The following ROBO2 variants were observed in gnomAD, a reference collection of about 807,000 sequenced individuals.
ROBO2 encodes the protein roundabout homolog 2.
ROBO2 carries 53 observed loss-of-function variants against 160.8 expected under a neutral mutation model. That is an observed-to-expected ratio of 0.33 (90% confidence interval 0.26 to 0.41). The LOEUF is 0.41. Ranked by LOEUF, ROBO2 falls within the 10% of genes least tolerant of loss-of-function variation. The pLI is 1.00. For synonymous variants in ROBO2, 664 were observed against 611.7 expected (o/e 1.09, Z -1.26); for missense variants, 1,577 against 1,722.4 (o/e 0.92, Z 1.49).
At chr3:76,106,621 A>T (rs2069946412) in intron 2 of ROBO2, among the ~76,000 whole-genome samples, 1 of 152,112 alleles carries the variant, frequency 6.6e-6, no homozygotes, top group Non-Finnish European at 1.5e-5. Flanking sequence ...TAATACTTTA[A>T]ACTTGAAAAC....
At chr3:75,971,696 G>A (rs887024886) in intron 2 of ROBO2, among the ~76,000 whole-genome samples, 1 of 151,190 alleles carries the variant, frequency 6.6e-6, no homozygotes, top group African/African-American at 2.4e-5. Context: ...TTCAAGTTTG[G>A]AAAACTTCAG....
intron 2 of ROBO2, among the ~76,000 whole-genome samples, chr3:76,474,281 A>G (rs1331587779): frequency 6.6e-6 from 1 of 152,154 alleles, no homozygotes; most frequent in Non-Finnish European, 1.5e-5. Context: ...TAAATATTGT[A>G]ACTATAGAGT....
At chr3:77,493,170 C>CT in intron 4 of ROBO2, 74 bp from the exon 5 acceptor site, 8 of 1,538,206 alleles carry the variant, frequency 5.2e-6, no homozygotes, top group Non-Finnish European at 7.2e-6. Flanking sequence ...GTTTCCTTTG[C>CT]TTTTTTCATA....
At chr3:76,300,571 GATTA>G (rs1709303386) in intron 2 of ROBO2, among the ~76,000 whole-genome samples, 2 of 151,754 alleles carry the variant, frequency 1.3e-5, no homozygotes, top group African/African-American at 4.8e-5. Flanking sequence ...CATTAAGGGT[GATTA>G]ATTAACAAAT....
At chr3:76,352,441 T>A (rs1247457634) in intron 2 of ROBO2, among the ~76,000 whole-genome samples, 1 of 152,040 alleles carries the variant, frequency 6.6e-6, no homozygotes, top group Non-Finnish European at 1.5e-5. Flanking sequence ...TCAGATTAGA[T>A]CAAAATTTTG....
At chr3:77,119,898 A>G (rs2074578504) in intron 2 of ROBO2, among the ~76,000 whole-genome samples, 1 of 152,254 alleles carries the variant, frequency 6.6e-6, no homozygotes, top group Non-Finnish European at 1.5e-5. Flanking sequence ...AATGTAATTC[A>G]GAAAGACACT....
At chr3:77,292,938 G>A (rs528569907) in intron 2 of ROBO2, among the ~76,000 whole-genome samples, 6 of 151,294 alleles carry the variant, frequency 4.0e-5, no homozygotes, top group South Asian at 4.2e-4. Context: ...TAAAATTGAC[G>A]ATTAAACGGT....
chr3:76,940,357 A>G (rs2078097354), intron 2 of ROBO2, among the ~76,000 whole-genome samples: 2 of 152,168 alleles, frequency 1.3e-5, no homozygotes, highest in African/African-American at 4.8e-5. Flanking sequence ...ACAATGTAGG[A>G]TTGAATGGAT....
At chr3:76,344,870 G>C (rs975904681) in intron 2 of ROBO2, among the ~76,000 whole-genome samples, 3 of 151,968 alleles carry the variant, frequency 2.0e-5, no homozygotes, top group South Asian at 2.1e-4. Flanking sequence ...TTCCATCCAG[G>C]GTGTTTAATA....
At chr3:77,199,522 A>C (rs1295152279) in intron 2 of ROBO2, among the ~76,000 whole-genome samples, 1 of 152,028 alleles carries the variant, frequency 6.6e-6, no homozygotes, top group African/African-American at 2.4e-5. Flanking sequence ...GTGATTTCTT[A>C]GCCAAAATGG....
At chr3:77,075,828 C>A (rs750191020) in intron 1 of ROBO2, among the ~76,000 whole-genome samples, 1 of 151,594 alleles carries the variant, frequency 6.6e-6, no homozygotes, top group African/African-American at 2.4e-5. Flanking sequence ...CAGGTGCCCA[C>A]CACCATGCCC....
At chr3:76,384,881 G>C (rs1453906572) in intron 2 of ROBO2, among the ~76,000 whole-genome samples, 6 of 152,166 alleles carry the variant, frequency 3.9e-5, no homozygotes, top group Non-Finnish European at 7.4e-5. Flanking sequence ...TGAGATTTGG[G>C]TGGGGACACA....
chr3:77,577,087 A>T (rs747023841), intron 14 of ROBO2, among the ~76,000 whole-genome samples: 1 of 152,206 alleles, frequency 6.6e-6, no homozygotes, highest in Non-Finnish European at 1.5e-5. Flanking sequence ...ACACCGGCTC[A>T]AATTCTGACT....
intron 24 of ROBO2, among the ~76,000 whole-genome samples, chr3:77,635,594 G>C (rs932013550): frequency 1.3e-5 from 2 of 152,166 alleles, no homozygotes; most frequent in African/African-American, 4.8e-5. Context: ...ATATAAGACA[G>C]TGGTGCCATA....
chr3:76,276,335 A>G (rs1170623313), intron 2 of ROBO2, among the ~76,000 whole-genome samples: 1 of 152,064 alleles, frequency 6.6e-6, no homozygotes, highest in Non-Finnish European at 1.5e-5. Flanking sequence ...ATGGCTATTT[A>G]AATTTAAACT....
chr3:76,249,371 A>G (rs1705840393), intron 2 of ROBO2, among the ~76,000 whole-genome samples: 1 of 152,088 alleles, frequency 6.6e-6, no homozygotes, highest in African/African-American at 2.4e-5. Context: ...ACAATCCAGG[A>G]TTGGGAGATA....
At chr3:76,211,704 T>C (rs942420873) in intron 2 of ROBO2, among the ~76,000 whole-genome samples, 16 of 152,110 alleles carry the variant, frequency 1.1e-4, no homozygotes, top group Non-Finnish European at 1.8e-4. Flanking sequence ...ATGTATTTCC[T>C]GAAGTGTATA....
intron 2 of ROBO2, among the ~76,000 whole-genome samples, chr3:77,286,424 T>G (rs1004055160): frequency 2.2e-5 from 1 of 45,036 alleles, no homozygotes; most frequent in African/African-American, 4.8e-5. Context: ...GCCCAGCTAA[T>G]TTTTGTATTT....
At chr3:76,985,984 C>A (rs867975777) in intron 2 of ROBO2, among the ~76,000 whole-genome samples, 2 of 152,100 alleles carry the variant, frequency 1.3e-5, no homozygotes, top group African/African-American at 4.8e-5. Context: ...TTTAAGCAAC[C>A]TTTTTATTTT....
Sources: gnomAD v4.1 joint callset for allele counts (sites outside exome capture counted in the v4.1 genomes callset) on GRCh38, gnomAD v4.1.1 for gene constraint, MANE v1.5 for transcripts, NCBI Gene and HGNC (gene_info 2026-07-23, HGNC 2026-07-21) for gene names.